ANO7: variants seen among roughly 807,000 people sequenced by gnomAD.
ANO7 encodes the protein anoctamin-7.
Under a neutral mutation model 115.8 loss-of-function variants are expected in ANO7, and 114 were observed. That is an observed-to-expected ratio of 0.98 (90% confidence interval 0.85 to 1.15). The LOEUF (loss-of-function observed/expected upper bound fraction) is 1.15, where lower values mean the gene tolerates loss of function less well. Among genes scored for constraint, ANO7 ranks in the 50% most tolerant of loss-of-function variants. ANO7 has a pLI of 0.00. For synonymous variants in ANO7, 550 were observed against 498.2 expected (o/e 1.10, Z -1.38); for missense variants, 1,302 against 1,201.2 (o/e 1.08, Z -1.24).
In ANO7 at chr2:241,217,754, A is replaced by C; in HGVS notation, c.2041A>C (p.Asn681His). Residue 681 changes from asparagine (N) to histidine (H), a missense_variant, in exon 20 of 25, where the codon AAC (asparagine) becomes CAC (histidine). Transcript: ENST00000674324. Reference protein sequence around the residue: ...CPLAPLFALLNNWVEIRLDAR... With the variant: ...CPLAPLFALLHNWVEIRLDAR... ...GCTCGCGCCGCTCTTCGCCCTGCTC[A>C]ACAACTGGGTGGAGATCCGCTTGGA... is the stretch of plus-strand genomic sequence containing the variant. 1.2e-6 allele frequency: 2 copies of C among 1,608,016 alleles called. No individual in the cohort carries two copies. The highest frequency in any genetic ancestry group is 1.7e-6 in the Non-Finnish European group (2 of 1,177,874).
chr2:241,188,741 A>G lies in ANO7; in HGVS notation c.-33A>G. 1 of 1,613,124 alleles carries G rather than the reference A, an allele frequency of 6.2e-7. No individual in the cohort carries two copies. Among genetic ancestry groups the G allele is most frequent in the East Asian group, 2.2e-5 (1 of 44,812 alleles). On this transcript the variant is annotated 5_prime_UTR_variant, in exon 1 of 25. Coordinates refer to ENST00000674324, the MANE Select transcript of ANO7 (RefSeq NM_001370694.2). The surrounding 1 kb of genome is among the most constrained non-coding windows in gnomAD (Gnocchi z 4.3). ...TGAGAGGTGGGCCATGACCTCCGAGACCTCTTCCGGAAGCCACTGTGCCAG... is the reference window on the plus strand; with the variant it reads ...TGAGAGGTGGGCCATGACCTCCGAGGCCTCTTCCGGAAGCCACTGTGCCAG...
chr2:241,193,217 G>A (rs905352482), intron 3 of ANO7, among the ~76,000 whole-genome samples: 3 of 151,736 alleles, frequency 2.0e-5, no homozygotes, highest in African/African-American at 4.8e-5. Flanking sequence ...CTACAGGTGC[G>A]CCCCACCACG....
rs560609275 is a variant in ANO7 at position 241,199,772 on chromosome 2, G to A, written c.418-317G>A. ...TGACCTCAGGAAGATGGGCCTGGAC[G>A]TGGGTCCGCCTCCCACCGCACTGGC... On this transcript the variant is annotated intron_variant, in intron 5 of 24. Coordinates refer to ENST00000674324, the MANE Select transcript of ANO7 (RefSeq NM_001370694.2). Among the ~76,000 whole-genome samples the A allele has an allele frequency of 8.3e-4, 127 of 152,334 alleles. 1 individual carries two copies. Among genetic ancestry groups the A allele is most frequent in the African/African-American group, 2.9e-3 (119 of 41,576 alleles).
chr2:241,198,059 G>C (rs1308151733), intron 4 of ANO7, among the ~76,000 whole-genome samples: 2 of 152,218 alleles, frequency 1.3e-5, no homozygotes, highest in African/African-American at 2.4e-5. Context: ...CTGGCTGGCT[G>C]TCCTGGTCAT....
intron 16 of ANO7, 39 bp downstream of exon 16, chr2:241,212,244 G>T (rs375829140): frequency 6.5e-7 from 1 of 1,545,436 alleles, no homozygotes; most frequent in Non-Finnish European, 8.9e-7. Context: ...AGCTTGTCCC[G>T]GCTTAGTTCT....
At chr2:241,213,049 C>T (rs2068750323) in intron 17 of ANO7, among the ~76,000 whole-genome samples, 1 of 152,266 alleles carries the variant, frequency 6.6e-6, no homozygotes, top group South Asian at 2.1e-4. Context: ...CCCATTTTAA[C>T]CCAATTCACA....
the ANO7 span, chr2:241,235,673 G>A: frequency 8.4e-6 from 8 of 948,148 alleles, no homozygotes; most frequent in Admixed American, 1.9e-5. Flanking sequence ...GGGGCTCCAC[G>A]AAACACAAGG....
chr2:241,216,202 C>A lies in ANO7; in HGVS notation c.1936C>A (p.Pro646Thr). Residue 646 changes from proline (P) to threonine (T), a missense_variant, in exon 19 of 25, where the codon CCC becomes ACC. Pro to Thr is a conservative substitution (Grantham distance 38, BLOSUM62 -1). Coordinates refer to ENST00000674324, the MANE Select transcript of ANO7 (RefSeq NM_001370694.2). ...CTGGGAGGACGACTATGAGCTTGTG[C>A]CCTGTGAGGGTCTGTTTGACGAGTA... ...GPWEDDYELV[P>T]CEGLFDEYLE... 6.2e-7 allele frequency: 1 copy of A among 1,611,918 alleles called. No individual in the cohort carries two copies. The highest frequency in any genetic ancestry group is 2.2e-5 in the East Asian group (1 of 44,834).
Position 241,212,168 on chromosome 2 carries a change from T to C in ANO7, c.1636T>C (p.Tyr546His), listed in dbSNP as rs1379846396. The change falls in exon 16 of 25, where the codon TAC becomes CAC. Residue 546 changes from tyrosine (Y) to histidine (H), a missense_variant. By Grantham distance (83) the Tyr-to-His change is moderately conservative. Coordinates refer to ENST00000674324, the MANE Select transcript of ANO7 (RefSeq NM_001370694.2). ...GTTCATCTTCCAGTTCGTCAACTTC[T>C]ACTCCTCACCCGTCTACATTGCCTT... ...KVFIFQFVNF[Y>H]SSPVYIAFFK... 2.5e-6 allele frequency: 4 copies of C among 1,614,174 alleles called. No homozygotes were observed. In the South Asian group the frequency reaches 3.3e-5, roughly 13 times the overall value.
intron 10 of ANO7, 149 bp from the exon 11 acceptor site, chr2:241,207,425 C>T (rs115727009): frequency 6.4e-4 from 391 of 614,818 alleles, no homozygotes; most frequent in Non-Finnish European, 7.0e-4. Flanking sequence ...TTTAAAACAA[C>T]TATTTTTTTT....
chr2:241,214,705 A>G, intron 17 of ANO7, 100 bp from the exon 18 acceptor site: 1 of 1,031,802 alleles, frequency 9.7e-7, no homozygotes, highest in Non-Finnish European at 1.4e-6. Flanking sequence ...GTCAGGAGGG[A>G]GGTGGGGGCC....
chr2:241,235,581 A>T, the ANO7 span: 1 of 1,613,258 alleles, frequency 6.2e-7, no homozygotes, highest in Non-Finnish European at 8.5e-7. Flanking sequence ...TTCAATGGTG[A>T]CAGGAACCAA....
At chr2:241,234,662 G>A in the ANO7 span, among the ~76,000 whole-genome samples, 1 of 152,164 alleles carries the variant, frequency 6.6e-6, no homozygotes, top group Non-Finnish European at 1.5e-5. Context: ...GCAGCGCTCC[G>A]CTCATACAAT....
Position 241,223,898 on chromosome 2 carries a change from G to A in ANO7, c.2533-7G>A, listed in dbSNP as rs2069088933. ...CTCTTCCTCTTGCTGCCCTTTTTTGGGGACAGGTTCTTTTTGGAACGAACG... is the reference window on the plus strand; with the variant it reads ...CTCTTCCTCTTGCTGCCCTTTTTTGAGGACAGGTTCTTTTTGGAACGAACG... On this transcript the variant is annotated splice_polypyrimidine_tract_variant and splice_region_variant and intron_variant, in intron 23 of 24. Transcript: ENST00000674324. The A allele has an allele frequency of 6.2e-7, 1 of 1,613,948 alleles. No individual in the cohort carries two copies. The highest frequency in any genetic ancestry group is 1.1e-5 in the South Asian group (1 of 91,066).
the ANO7 span, among the ~76,000 whole-genome samples, chr2:241,233,583 G>A: frequency 1.3e-5 from 2 of 152,222 alleles, no homozygotes; most frequent in South Asian, 4.2e-4. The surrounding 1 kb of genome is among the most constrained non-coding windows in gnomAD (Gnocchi z 4.3). Flanking sequence ...TTTTCTGGAA[G>A]GAGACGCAGG....
chr2:241,233,927 G>C, the ANO7 span: 7 of 1,614,084 alleles, frequency 4.3e-6, no homozygotes. This position sits in a 1 kb window ranked among gnomAD's most constrained non-coding sequence, Gnocchi z 4.3. Context: ...TGGTATTTGG[G>C]GTCTACAGTG....
Position 241,200,011 on chromosome 2 carries a change from C to T in ANO7, c.418-78C>T, listed in dbSNP as rs538471596. Reference sequence around the variant, plus strand: ...CTTCGCCCATTGCCCAATTTGCAAACTTGCACAACCTCCACTCCCACCTGG... The same window carrying T: ...CTTCGCCCATTGCCCAATTTGCAAATTTGCACAACCTCCACTCCCACCTGG... On this transcript the variant is annotated intron_variant, in intron 5 of 24. Transcript: ENST00000674324. 7 of 1,559,738 alleles carry T rather than the reference C, an allele frequency of 4.5e-6. No homozygotes were observed. The African/African-American group carries it at 9.5e-5, about 21-fold the overall frequency.
At chr2:241,222,728 C>T (rs897875349) in intron 21 of ANO7, among the ~76,000 whole-genome samples, 4 of 152,056 alleles carry the variant, frequency 2.6e-5, no homozygotes, top group African/African-American at 9.7e-5. Flanking sequence ...TCTGAAATAG[C>T]AAGTGAAGCT....
chr2:241,216,767 CTGCAG>C (rs1390739784), intron 19 of ANO7, among the ~76,000 whole-genome samples: 2 of 152,250 alleles, frequency 1.3e-5, no homozygotes, highest in Non-Finnish European at 2.9e-5. Context: ...TGTGCCGTCC[CTGCAG>C]TGCAGGGTCT....
Sources: allele counts gnomAD v4.1 joint callset (sites outside exome capture counted in the v4.1 genomes callset), GRCh38; gene constraint gnomAD v4.1.1; non-coding constraint Gnocchi (gnomAD v3.1); transcripts MANE v1.5; gene names NCBI Gene and HGNC (gene_info 2026-07-23, HGNC 2026-07-21).